PARD3B: variants seen among roughly 807,000 people sequenced by gnomAD.
The protein encoded by PARD3B is partitioning defective 3 homolog B.
PARD3B carries 103 observed loss-of-function variants against 130.2 expected under a neutral mutation model. That is an observed-to-expected ratio of 0.79 (90% CI 0.67 to 0.93). PARD3B has a LOEUF of 0.93. Ranked by LOEUF, PARD3B falls within the 40% of genes least tolerant of loss-of-function variation. The pLI is 0.00. For synonymous variants in PARD3B, 583 were observed against 553.2 expected (o/e 1.05, Z -0.76); for missense variants, 1,609 against 1,499.2 (o/e 1.07, Z -1.21).
intron 3 of PARD3B, among the ~76,000 whole-genome samples, chr2:204,978,335 A>G (rs1692365880): frequency 6.6e-6 from 1 of 152,248 alleles, no homozygotes; most frequent in African/African-American, 2.4e-5. Context: ...TCTATTAGGC[A>G]TGGAGTATCT....
chr2:204,950,376 C>A (rs1207801579), intron 2 of PARD3B, among the ~76,000 whole-genome samples: 1 of 152,206 alleles, frequency 6.6e-6, no homozygotes, highest in Non-Finnish European at 1.5e-5. Context: ...AGCTAAATAA[C>A]TTCCCTACAT....
rs1442369107 is a variant in PARD3B, at chr2:204,586,285, A to G, written c.120+40166A>G. ...CCAGCTAGTGATATTGAAAGTGTAGACGGTGTTTTCAACAGCATGTTCCTA... is the reference window on the plus strand; with the variant it reads ...CCAGCTAGTGATATTGAAAGTGTAGGCGGTGTTTTCAACAGCATGTTCCTA... On this transcript the variant is annotated intron_variant, in intron 1 of 22. Transcript: ENST00000406610. Among the ~76,000 whole-genome samples, 5 of 152,212 alleles carry G rather than the reference A, an allele frequency of 3.3e-5. No individual in the cohort carries two copies. The South Asian group carries it at 8.3e-4, about 25-fold the overall frequency.
intron 18 of PARD3B, among the ~76,000 whole-genome samples, chr2:205,354,269 G>A (rs780317075): frequency 1.3e-5 from 2 of 151,328 alleles, no homozygotes; most frequent in Non-Finnish European, 2.9e-5. Context: ...CACTCTCACC[G>A]CCACTGCCCC....
rs1180623470 is a variant in PARD3B, at chr2:205,276,928, G to T, written c.2186-23602G>T. ...AATATCCACCTCACAGGTGGAAGTG[G>T]GGTGAGAGAATTTGTGTGGAACACC... On this transcript the variant is annotated intron_variant, in intron 16 of 22. Transcript: ENST00000406610. This position sits in a 1 kb window ranked among gnomAD's most constrained non-coding sequence, Gnocchi z 5.0. Among the ~76,000 whole-genome samples, 2 of 152,174 alleles carry T rather than the reference G, an allele frequency of 1.3e-5. No individual in the cohort carries two copies. Among genetic ancestry groups the T allele is most frequent in the Admixed American group, 6.5e-5 (1 of 15,272 alleles).
Position 205,301,840 on chromosome 2 carries a change from G to C in PARD3B, c.2630+139G>C, listed in dbSNP as rs750941127. 7.3e-7 allele frequency: 1 copy of C among 1,361,220 alleles called. No homozygotes were observed. Among genetic ancestry groups the C allele is most frequent in the African/African-American group, 1.4e-5 (1 of 69,782 alleles). The allele number at this position is 1,361,220 out of a possible 1,614,324, so 84.3% of individuals were successfully genotyped here. On this transcript the variant is annotated intron_variant, in intron 18 of 22. Transcript: ENST00000406610. This position sits in a 1 kb window ranked among gnomAD's most constrained non-coding sequence, Gnocchi z 5.2. ...GCATACGGCTCTCAATTCTGTGCTC[G>C]TTCTCTTTCTGCAGAGGCAGAGGAG...
intron 1 of PARD3B, among the ~76,000 whole-genome samples, chr2:204,614,435 C>T (rs1198589920): frequency 3.3e-5 from 5 of 152,010 alleles, no homozygotes; most frequent in African/African-American, 9.7e-5. Flanking sequence ...ATGTGGACAG[C>T]CCAGCTATGG....
intron 2 of PARD3B, among the ~76,000 whole-genome samples, chr2:204,698,227 A>T (rs1204475230): frequency 6.6e-6 from 1 of 152,080 alleles, no homozygotes; most frequent in Non-Finnish European, 1.5e-5. Flanking sequence ...CTTAGGCTCT[A>T]TTTTTTGGGC....
intron 16 of PARD3B, among the ~76,000 whole-genome samples, chr2:205,282,140 A>G (rs2105840412): frequency 6.6e-6 from 1 of 152,334 alleles, no homozygotes; most frequent in Non-Finnish European, 1.5e-5. Context: ...CAAGATATAA[A>G]AGGATATTGA....
intron 3 of PARD3B, among the ~76,000 whole-genome samples, chr2:205,010,059 A>G (rs1200783029): frequency 1.3e-5 from 2 of 152,164 alleles, no homozygotes; most frequent in Non-Finnish European, 2.9e-5. Context: ...ACTTTAGTGA[A>G]CCAATATAGT....
At chr2:205,131,501 A>T (rs551466936) in intron 10 of PARD3B, among the ~76,000 whole-genome samples, 1 of 152,298 alleles carries the variant, frequency 6.6e-6, no homozygotes, top group East Asian at 1.9e-4. Flanking sequence ...AGATGAAGCT[A>T]GAAGCTTCAT....
intron 16 of PARD3B, among the ~76,000 whole-genome samples, chr2:205,298,666 GT>G (rs1574631142): frequency 1.3e-5 from 2 of 152,128 alleles, no homozygotes; most frequent in East Asian, 3.8e-4. Context: ...TCTCCTATAA[GT>G]TAATGATGAA....
Position 205,309,703 on chromosome 2 carries a change from C to T in PARD3B, c.2630+8002C>T, listed in dbSNP as rs1020567823. 2.6e-5 allele frequency among the ~76,000 whole-genome samples: 4 copies of T among 152,096 alleles called. No homozygotes were observed. Among genetic ancestry groups the T allele is most frequent in the African/African-American group, 9.7e-5 (4 of 41,420 alleles). On this transcript the variant is annotated intron_variant, in intron 18 of 22. Coordinates refer to ENST00000406610, the MANE Select transcript of PARD3B (RefSeq NM_001302769.2). The surrounding 1 kb of genome is among the most constrained non-coding windows in gnomAD (Gnocchi z 4.7). Reference sequence around the variant, plus strand: ...TCACTACCACCAAATTAATGCTGAACCTAATTAAAAATCTATCCCTTACAA... The same window carrying T: ...TCACTACCACCAAATTAATGCTGAATCTAATTAAAAATCTATCCCTTACAA...
chr2:205,304,039 G>A (rs529192438), intron 18 of PARD3B, among the ~76,000 whole-genome samples: 59 of 152,288 alleles, frequency 3.9e-4, no homozygotes, highest in African/African-American at 1.3e-3. Flanking sequence ...AGAATGCTGC[G>A]TGTATTTATT....
intron 21 of PARD3B, among the ~76,000 whole-genome samples, chr2:205,532,954 T>C (rs2106435513): frequency 6.6e-6 from 1 of 152,346 alleles, no homozygotes; most frequent in Non-Finnish European, 1.5e-5. Flanking sequence ...TGATAATTGC[T>C]GCATATTTAG....
chr2:204,901,493 G>A (rs1253404548), intron 2 of PARD3B, among the ~76,000 whole-genome samples: 2 of 151,562 alleles, frequency 1.3e-5, no homozygotes, highest in Non-Finnish European at 1.5e-5. Context: ...TAGGGCAGAG[G>A]GCTCCCCTCT....
chr2:205,155,174 G>T (rs2034035188), intron 10 of PARD3B, among the ~76,000 whole-genome samples: 1 of 152,114 alleles, frequency 6.6e-6, no homozygotes, highest in South Asian at 2.1e-4. Flanking sequence ...CTTATTGGTT[G>T]GTTGACACAT....
chr2:204,654,751 T>G (rs2035589374), intron 1 of PARD3B, among the ~76,000 whole-genome samples: 1 of 152,232 alleles, frequency 6.6e-6, no homozygotes, highest in African/African-American at 2.4e-5. Flanking sequence ...TTTGGAGTTT[T>G]TATTTTGAAG....
chr2:205,312,402 C>G (rs2042421309), intron 18 of PARD3B, among the ~76,000 whole-genome samples: 1 of 152,192 alleles, frequency 6.6e-6, no homozygotes. Flanking sequence ...CTTAATTCAA[C>G]TTCAAGCTAG....
At chr2:204,916,040 G>A (rs2047429762) in intron 2 of PARD3B, among the ~76,000 whole-genome samples, 1 of 152,190 alleles carries the variant, frequency 6.6e-6, no homozygotes, top group Non-Finnish European at 1.5e-5. Flanking sequence ...TTCAGTCAAG[G>A]GAGAGTGGGA....
Sources: allele counts gnomAD v4.1 joint callset (sites outside exome capture counted in the v4.1 genomes callset), GRCh38; gene constraint gnomAD v4.1.1; non-coding constraint Gnocchi (gnomAD v3.1); transcripts MANE v1.5; gene names NCBI Gene and HGNC (gene_info 2026-07-23, HGNC 2026-07-21).